SNAP91: variants seen among roughly 807,000 people sequenced by gnomAD.
The protein encoded by SNAP91 is synaptosome associated protein 91.
In SNAP91, 27 loss-of-function variants were observed where a neutral mutation model predicts 100.3. The ratio of observed to expected loss-of-function variants is 0.27; its 90% CI spans 0.20 to 0.37. The LOEUF is 0.37. SNAP91 is among the 10% of genes least tolerant of loss of function. The pLI is 1.00. For synonymous variants in SNAP91, 404 were observed against 398.6 expected (o/e 1.01, Z -0.16); for missense variants, 986 against 1,123.7 (o/e 0.88, Z 1.75).
chr6:83,556,077 C>A, intron 29 of SNAP91, 66 bp downstream of exon 29: 1 of 841,972 alleles, frequency 1.2e-6, no homozygotes, highest in East Asian at 2.7e-5. Flanking sequence ...ATGAGTACCT[C>A]TGAAATAGCT....
In SNAP91 at chr6:83,582,423, A is replaced by C; in HGVS notation, c.2015-67T>G. The C allele has an allele frequency of 1.4e-6, 2 of 1,453,160 alleles. 1 individual carries two copies. The highest frequency in any genetic ancestry group is 2.8e-5 in the South Asian group (2 of 71,340). 90.0% of individuals were successfully genotyped at this position (1,453,160 alleles called of 1,614,324 possible). Reference sequence around the variant, plus strand: ...GGTGGGTAAAGGCCATAAAAACTGAATTTAAAAAGTTATAGAAAACTGAAA... The same window carrying C: ...GGTGGGTAAAGGCCATAAAAACTGACTTTAAAAAGTTATAGAAAACTGAAA... On this transcript the variant is annotated intron_variant, in intron 22 of 29. Transcript: ENST00000369694.
At chr6:83,573,840 A>G (rs1813118033) in intron 26 of SNAP91, among the ~76,000 whole-genome samples, 1 of 152,228 alleles carries the variant, frequency 6.6e-6, no homozygotes, top group Admixed American at 6.5e-5. Context: ...ACCTAAAACC[A>G]TAAAAATCCT....
At chr6:83,620,210 TAA>T (rs2096656346) in intron 9 of SNAP91, among the ~76,000 whole-genome samples, 1 of 152,226 alleles carries the variant, frequency 6.6e-6, no homozygotes, top group African/African-American at 2.4e-5. Flanking sequence ...AGAGGAATTC[TAA>T]TCATTTTTTA....
At chr6:83,641,706 A>T (rs1426952008) in intron 7 of SNAP91, among the ~76,000 whole-genome samples, 1 of 152,186 alleles carries the variant, frequency 6.6e-6, no homozygotes, top group Non-Finnish European at 1.5e-5. Flanking sequence ...TTGGTCATAA[A>T]TTATTTCTTT....
intron 2 of SNAP91, among the ~76,000 whole-genome samples, chr6:83,704,196 G>A (rs2099352298): frequency 6.6e-6 from 1 of 152,150 alleles, no homozygotes; most frequent in African/African-American, 2.4e-5. Context: ...AGTCCTGGAT[G>A]TTTTATATGC....
chr6:83,596,622 CGT>C (rs2094497695), intron 16 of SNAP91, among the ~76,000 whole-genome samples: 1 of 151,726 alleles, frequency 6.6e-6, no homozygotes, highest in Non-Finnish European at 1.5e-5. Context: ...AAGCTTAAAG[CGT>C]GTGTGTTCTC....
intron 6 of SNAP91, among the ~76,000 whole-genome samples, chr6:83,657,930 CTTTTTT>C (rs536763578): frequency 9.4e-6 from 1 of 106,120 alleles, no homozygotes; most frequent in Non-Finnish European, 1.9e-5. Flanking sequence ...CCACACCTTG[CTTTTTT>C]TTTTTTTTTT....
At chr6:83,603,448 C>A (rs2095411298) in intron 14 of SNAP91, among the ~76,000 whole-genome samples, 1 of 151,862 alleles carries the variant, frequency 6.6e-6, no homozygotes, top group South Asian at 2.1e-4. Context: ...AGGCTGGACT[C>A]TTAACTACTG....
At chr6:83,584,799 A>G (rs1244240085) in intron 22 of SNAP91, among the ~76,000 whole-genome samples, 1 of 152,054 alleles carries the variant, frequency 6.6e-6, no homozygotes, top group African/African-American at 2.4e-5. Context: ...ATGAAAGCAA[A>G]TGGCAGATCC....
rs149230383 is a variant in SNAP91, at chr6:83,666,509, A to T, written c.131-928T>A. Among the ~76,000 whole-genome samples, 630 of 152,230 alleles carry T rather than the reference A, an allele frequency of 4.1e-3. 5 individuals are homozygous for T. The highest frequency in any genetic ancestry group is 0.015 in the African/African-American group (606 of 41,570). ...CAGTTCCTAGGCAATCCCATGCAAC[A>T]AACATGCGCTTGCAACAAACATGCA... On this transcript the variant is annotated intron_variant, in intron 2 of 29. Coordinates refer to ENST00000369694, the MANE Select transcript of SNAP91 (RefSeq NM_001242792.2).
chr6:83,596,718 A>G (rs1305819238), intron 16 of SNAP91, among the ~76,000 whole-genome samples: 1 of 151,900 alleles, frequency 6.6e-6, no homozygotes, highest in Non-Finnish European at 1.5e-5. Flanking sequence ...TCAAAACATC[A>G]TGTTGTACAT....
intron 7 of SNAP91, 130 bp downstream of exon 7, chr6:83,656,624 G>T: frequency 3.7e-6 from 2 of 536,592 alleles, no homozygotes; most frequent in Non-Finnish European, 6.6e-6. Flanking sequence ...CACCATCTGT[G>T]GACTTACTCA....
chr6:83,570,150 T>C (rs754659821), intron 26 of SNAP91, among the ~76,000 whole-genome samples: 5 of 151,890 alleles, frequency 3.3e-5, no homozygotes, highest in African/African-American at 7.3e-5. Context: ...TTGTTGGGAA[T>C]TGGAGTGAAG....
At chr6:83,673,158 T>C (rs2098812002) in intron 2 of SNAP91, among the ~76,000 whole-genome samples, 1 of 151,796 alleles carries the variant, frequency 6.6e-6, no homozygotes, top group Admixed American at 6.6e-5. Context: ...TAAATTTACA[T>C]CTCATTCCTT....
At chr6:83,592,668 T>C in intron 20 of SNAP91, 130 bp from the exon 21 acceptor site, 1 of 769,356 alleles carries the variant, frequency 1.3e-6, no homozygotes, top group Non-Finnish European at 2.1e-6. Context: ...ATCTTAACAG[T>C]TAAGGAAAAG....
chr6:83,623,170 A>G, intron 9 of SNAP91, 131 bp downstream of exon 9: 1 of 637,864 alleles, frequency 1.6e-6, no homozygotes, highest in South Asian at 2.3e-5. Flanking sequence ...ATAAGGTAGA[A>G]TAATTTCCAA....
rs76517999 is a variant in SNAP91 at position 83,644,003 on chromosome 6, A to T, written c.659-2801T>A. 9.4e-3 allele frequency among the ~76,000 whole-genome samples: 1,436 copies of T among 152,300 alleles called. 26 individuals are homozygous for T. Among genetic ancestry groups the T allele is most frequent in the African/African-American group, 0.032 (1,343 of 41,574 alleles). On this transcript the variant is annotated intron_variant, in intron 7 of 29. Transcript: ENST00000369694. ...CTTGTTAAGAAATTTGAAAATAAGG[A>T]TTTATTCTGGCAAAACATACTTTTT...
chr6:83,571,080 G>A (rs890953028), intron 26 of SNAP91, among the ~76,000 whole-genome samples: 4 of 151,556 alleles, frequency 2.6e-5, no homozygotes, highest in Admixed American at 1.3e-4. Context: ...TACAGGGATG[G>A]AGCTGCCCGA....
intron 2 of SNAP91, among the ~76,000 whole-genome samples, chr6:83,687,165 TATAG>T (rs1489087287): frequency 2.0e-5 from 3 of 152,172 alleles, no homozygotes; most frequent in Non-Finnish European, 4.4e-5. Context: ...GTTCTTGTAA[TATAG>T]ATAGAGTGAG....
Sources: allele counts gnomAD v4.1 joint callset (sites outside exome capture counted in the v4.1 genomes callset), GRCh38; gene constraint gnomAD v4.1.1; transcripts MANE v1.5; gene names NCBI Gene and HGNC (gene_info 2026-07-23, HGNC 2026-07-21).